The following TFEC variants were observed in gnomAD, a reference collection of about 807,000 sequenced individuals.
TFEC encodes transcription factor EC.
In TFEC, 31 loss-of-function variants were observed where a neutral mutation model predicts 41.6. That is an observed-to-expected ratio of 0.74 (90% CI 0.56 to 1.01). TFEC has a LOEUF of 1.01. Among genes scored for constraint, TFEC ranks in the 50% least tolerant of loss-of-function variants. The pLI is 0.00. For missense variants in TFEC, 402 were observed against 404.1 expected, an observed-to-expected ratio of 0.99 and a Z score of 0.04; for synonymous variants, 143 against 140.6, an observed-to-expected ratio of 1.02 and a Z score of -0.12.
intron 3 of TFEC, among the ~76,000 whole-genome samples, chr7:116,087,724 TAGGAGAAAGAAAGAAAAA>T (rs1797233203): frequency 6.6e-6 from 1 of 151,842 alleles, no homozygotes; most frequent in Non-Finnish European, 1.5e-5. Flanking sequence ...TCTTTCCCAA[TAGGAGAAAGAAAGAAAAA>T]AACCTACTAT....
chr7:115,956,036 T>A (rs575953244), intron 4 of TFEC, among the ~76,000 whole-genome samples: 22 of 152,132 alleles, frequency 1.4e-4, no homozygotes, highest in African/African-American at 5.3e-4. Context: ...CTTACGTTGA[T>A]CCAGTTCTGC....
At chr7:116,142,866 A>G (rs2116402809) in intron 1 of TFEC, among the ~76,000 whole-genome samples, 1 of 152,306 alleles carries the variant, frequency 6.6e-6, no homozygotes, top group Non-Finnish European at 1.5e-5. Context: ...TTTATAACAA[A>G]AAAGTCCTAA....
At chr7:116,071,859 C>T (rs118008744) in intron 3 of TFEC, among the ~76,000 whole-genome samples, 7,087 of 151,456 alleles carry the variant, frequency 0.047, 206 homozygotes, top group South Asian at 0.074. Flanking sequence ...TTTTCAGTTA[C>T]ATTGTGTATG....
chr7:116,131,138 AAAGT>A (rs1287706275), intron 1 of TFEC, among the ~76,000 whole-genome samples: 1 of 152,204 alleles, frequency 6.6e-6, no homozygotes, highest in Non-Finnish European at 1.5e-5. Flanking sequence ...CAAATTTTTA[AAAGT>A]AAGTTGATTT....
intron 1 of TFEC, among the ~76,000 whole-genome samples, chr7:116,158,880 AGAT>A (rs1466516431): frequency 6.6e-6 from 1 of 152,062 alleles, no homozygotes; most frequent in Non-Finnish European, 1.5e-5. Flanking sequence ...CATATTAAAA[AGAT>A]GAAGTAACAA....
intron 1 of TFEC, among the ~76,000 whole-genome samples, chr7:116,001,578 T>C (rs897665747): frequency 1.8e-4 from 27 of 151,042 alleles, no homozygotes; most frequent in African/African-American, 6.3e-4. Flanking sequence ...CTCCAGGACA[T>C]TGGACTGGGC....
chr7:116,148,496 GA>G (rs1798688892), intron 1 of TFEC, among the ~76,000 whole-genome samples: 2 of 152,160 alleles, frequency 1.3e-5, no homozygotes, highest in South Asian at 4.1e-4. Flanking sequence ...ACAGAAGCAG[GA>G]ACAGAAGGAG....
chr7:116,115,442 C>T (rs1217458543), intron 1 of TFEC, among the ~76,000 whole-genome samples: 2 of 151,858 alleles, frequency 1.3e-5, no homozygotes, highest in Non-Finnish European at 2.9e-5. Context: ...CTGCTTTTTT[C>T]AGATTCTAGA....
intron 1 of TFEC, among the ~76,000 whole-genome samples, chr7:116,020,733 C>T (rs1289914161): frequency 6.6e-6 from 1 of 151,876 alleles, no homozygotes; most frequent in Non-Finnish European, 1.5e-5. Flanking sequence ...TTGTTATTGA[C>T]ACTGTAGCCC....
intron 1 of TFEC, among the ~76,000 whole-genome samples, chr7:116,146,833 G>A (rs935922356): frequency 1.3e-5 from 2 of 152,078 alleles, no homozygotes; most frequent in Non-Finnish European, 2.9e-5. Context: ...GAGTTTACCT[G>A]ATATATTTAA....
rs185564343 is a variant in TFEC, at chr7:116,020,440, G to A, written c.-73+10193C>T. ...ACATTATTAATAATGATTCTATAATGTAAATAACACATAAAATTTAAATAT... is the reference window on the plus strand; with the variant it reads ...ACATTATTAATAATGATTCTATAATATAAATAACACATAAAATTTAAATAT... On this transcript the variant is annotated intron_variant, in intron 1 of 7. Coordinates refer to ENST00000265440, the MANE Select transcript of TFEC (RefSeq NM_012252.4). Among the ~76,000 whole-genome samples the A allele has an allele frequency of 4.5e-4, 68 of 152,248 alleles. 2 individuals carry two copies. In the South Asian group the frequency reaches 0.012, roughly 28 times the overall value.
chr7:116,145,903 T>G (rs2116426155), intron 1 of TFEC, among the ~76,000 whole-genome samples: 1 of 152,290 alleles, frequency 6.6e-6, no homozygotes, highest in Non-Finnish European at 1.5e-5. Context: ...GGTACATAAT[T>G]AAAAATCAAC....
intron 3 of TFEC, among the ~76,000 whole-genome samples, chr7:116,105,584 T>C (rs1797699726): frequency 6.6e-6 from 1 of 152,162 alleles, no homozygotes; most frequent in Admixed American, 6.5e-5. Context: ...CCGTTGGCAT[T>C]GACCGCTGAT....
intron 2 of TFEC, among the ~76,000 whole-genome samples, chr7:115,976,959 ACAT>A (rs1793410825): frequency 6.6e-6 from 1 of 152,166 alleles, no homozygotes; most frequent in Non-Finnish European, 1.5e-5. Context: ...TACATGAGAA[ACAT>A]CCTCCTTTGG....
chr7:116,055,502 T>G (rs1237570840), intron 3 of TFEC, among the ~76,000 whole-genome samples: 1 of 152,004 alleles, frequency 6.6e-6, no homozygotes, highest in Non-Finnish European at 1.5e-5. Flanking sequence ...TATAATCCAT[T>G]AGGACCCTAA....
chr7:116,027,551 C>CAA (rs1795633766), intron 1 of TFEC, among the ~76,000 whole-genome samples: 2 of 152,032 alleles, frequency 1.3e-5, no homozygotes, highest in Admixed American at 6.6e-5. Flanking sequence ...GGGTCCTGAT[C>CAA]AAGCCACTAC....
chr7:116,055,374 T>C (rs887802453), intron 3 of TFEC, among the ~76,000 whole-genome samples: 2 of 152,054 alleles, frequency 1.3e-5, no homozygotes, highest in Non-Finnish European at 2.9e-5. Flanking sequence ...ATTTATTGAA[T>C]TATATAGACA....
At chr7:115,992,380 G>A (rs1794160139) in intron 1 of TFEC, among the ~76,000 whole-genome samples, 1 of 152,150 alleles carries the variant, frequency 6.6e-6, no homozygotes, top group African/African-American at 2.4e-5. Flanking sequence ...AGGAAATAGA[G>A]ACACCAAAAG....
At chr7:116,042,934 A>G (rs1016917944) in intron 3 of TFEC, among the ~76,000 whole-genome samples, 3 of 152,192 alleles carry the variant, frequency 2.0e-5, no homozygotes, top group African/African-American at 7.2e-5. Context: ...GAGAGAGATG[A>G]CAATAATATG....
Sources: allele counts gnomAD v4.1 joint callset (sites outside exome capture counted in the v4.1 genomes callset), GRCh38; gene constraint gnomAD v4.1.1; transcripts MANE v1.5; gene names NCBI Gene and HGNC (gene_info 2026-07-23, HGNC 2026-07-21).